SEMA3A: variants seen among roughly 807,000 people sequenced by gnomAD.
The protein encoded by SEMA3A is semaphorin 3A.
Under a neutral mutation model 97.9 loss-of-function variants are expected in SEMA3A, and 29 were observed. The ratio of observed to expected loss-of-function variants is 0.30; its 90% CI spans 0.22 to 0.40. SEMA3A has a LOEUF of 0.40. Ranked by LOEUF, SEMA3A falls within the 10% of genes least tolerant of loss-of-function variation. SEMA3A has a pLI of 1.00. For synonymous variants in SEMA3A, 321 were observed against 323.7 expected (o/e 0.99, Z 0.09); for missense variants, 763 against 951.3 (o/e 0.80, Z 2.60).
intron 13 of SEMA3A, among the ~76,000 whole-genome samples, chr7:83,983,853 G>A (rs1302191056): frequency 1.3e-5 from 2 of 152,116 alleles, no homozygotes; most frequent in Non-Finnish European, 2.9e-5. Flanking sequence ...GGGTATAGCA[G>A]GAGATGGGTT....
intron 13 of SEMA3A, among the ~76,000 whole-genome samples, chr7:83,984,065 T>G (rs1584505015): frequency 6.6e-6 from 1 of 152,146 alleles, no homozygotes; most frequent in East Asian, 1.9e-4. Flanking sequence ...TCTTTGTCAG[T>G]AAAATGTTGG....
At chr7:84,281,769 G>A (rs1040908762) in intron 3 of SEMA3A, among the ~76,000 whole-genome samples, 64 of 152,148 alleles carry the variant, frequency 4.2e-4, no homozygotes, top group African/African-American at 1.5e-3. Context: ...TTATCTCAAT[G>A]TCTACAGCTA....
chr7:84,217,892 G>T (rs542244176), intron 3 of SEMA3A, among the ~76,000 whole-genome samples: 4 of 152,060 alleles, frequency 2.6e-5, no homozygotes, highest in Admixed American at 2.6e-4. Flanking sequence ...GCTTGGGTGG[G>T]TAACAAAGTA....
rs553663569 is a variant in SEMA3A at position 84,042,808 on chromosome 7, G to T, written c.667+3516C>A. 2.0e-5 allele frequency among the ~76,000 whole-genome samples: 3 copies of T among 151,988 alleles called. No homozygotes were observed. The East Asian group carries it at 5.8e-4, about 29-fold the overall frequency. ...TTGGAAAACAGTCTCCATCAAATAA[G>T]AAAAATAAATGTGAGCTAGAAAAAT... On this transcript the variant is annotated intron_variant, in intron 6 of 16. Coordinates refer to ENST00000265362, the MANE Select transcript of SEMA3A (RefSeq NM_006080.3).
chr7:84,069,822 A>G (rs1793674037), intron 4 of SEMA3A, among the ~76,000 whole-genome samples: 1 of 152,156 alleles, frequency 6.6e-6, no homozygotes, highest in South Asian at 2.1e-4. Context: ...AATAGACACT[A>G]ATATTGCTGT....
intron 3 of SEMA3A, among the ~76,000 whole-genome samples, chr7:84,261,847 C>T (rs1007868296): frequency 2.0e-5 from 3 of 152,252 alleles, no homozygotes; most frequent in Non-Finnish European, 4.4e-5. Context: ...AAGGTGCCAC[C>T]AGTCACAGAG....
At chr7:84,149,968 C>T (rs1367346557) in intron 1 of SEMA3A, among the ~76,000 whole-genome samples, 2 of 152,128 alleles carry the variant, frequency 1.3e-5, no homozygotes, top group Non-Finnish European at 2.9e-5. Context: ...ACTAAGGTTG[C>T]TGATTTCTTA....
intron 7 of SEMA3A, among the ~76,000 whole-genome samples, chr7:84,011,545 G>C (rs1790872804): frequency 6.6e-6 from 1 of 151,922 alleles, no homozygotes; most frequent in Non-Finnish European, 1.5e-5. Context: ...ATTTATTCAA[G>C]GGATTACTTA....
intron 1 of SEMA3A, among the ~76,000 whole-genome samples, chr7:84,180,387 T>A (rs1038477805): frequency 1.3e-5 from 2 of 151,916 alleles, no homozygotes; most frequent in East Asian, 3.9e-4. Context: ...TTGTATTTTT[T>A]AAAAAATTAA....
chr7:84,422,223 A>C (rs1287294162), intron 1 of SEMA3A, among the ~76,000 whole-genome samples: 2 of 151,680 alleles, frequency 1.3e-5, no homozygotes, highest in East Asian at 3.9e-4. Flanking sequence ...CAGGGATTAG[A>C]CTTCTTCCTG....
At position 84,166,972 on chromosome 7, in the gene SEMA3A, T is replaced by A. The variant is rs1416180376; in HGVS notation, c.112+27503A>T. 1.3e-5 allele frequency among the ~76,000 whole-genome samples: 2 copies of A among 152,090 alleles called. 1 individual carries two copies. The highest frequency in any genetic ancestry group is 4.1e-4 in the South Asian group (2 of 4,824). ...TGTATTCTATATAAATTTGTGCCTATTTTGCTAGAAGAGTGTCTATCATAT... is the reference window on the plus strand; with the variant it reads ...TGTATTCTATATAAATTTGTGCCTAATTTGCTAGAAGAGTGTCTATCATAT... On this transcript the variant is annotated intron_variant, in intron 1 of 16. Coordinates refer to ENST00000265362, the MANE Select transcript of SEMA3A (RefSeq NM_006080.3).
At chr7:83,990,043 T>C (rs1393753430) in intron 12 of SEMA3A, among the ~76,000 whole-genome samples, 40 of 152,032 alleles carry the variant, frequency 2.6e-4, no homozygotes, top group Non-Finnish European at 4.4e-4. Context: ...CATTGTGGTT[T>C]TGATTTGCAT....
At chr7:84,015,083 A>C (rs1040294541) in intron 6 of SEMA3A, among the ~76,000 whole-genome samples, 9 of 152,090 alleles carry the variant, frequency 5.9e-5, no homozygotes, top group African/African-American at 2.2e-4. Flanking sequence ...GCCAGAATGA[A>C]CCTCCGCTCT....
At chr7:84,233,455 A>C (rs1447359579) in intron 3 of SEMA3A, among the ~76,000 whole-genome samples, 1 of 152,052 alleles carries the variant, frequency 6.6e-6, no homozygotes, top group Non-Finnish European at 1.5e-5. Flanking sequence ...ACTATCTGCT[A>C]CAGGATATTC....
At chr7:84,207,968 A>G (rs1338238426) in intron 3 of SEMA3A, among the ~76,000 whole-genome samples, 1 of 152,166 alleles carries the variant, frequency 6.6e-6, no homozygotes, top group Non-Finnish European at 1.5e-5. Context: ...TGTATTTTAT[A>G]TATGTGTATA....
At chr7:83,984,553 A>G (rs897222358) in intron 13 of SEMA3A, among the ~76,000 whole-genome samples, 12 of 149,706 alleles carry the variant, frequency 8.0e-5, no homozygotes, top group African/African-American at 2.7e-4. Context: ...AATTTTGTAT[A>G]TAAGTTTTTA....
At chr7:83,999,464 C>T (rs10225972) in intron 12 of SEMA3A, among the ~76,000 whole-genome samples, 59,054 of 151,752 alleles carry the variant, frequency 0.39, 12,023 homozygotes, top group Middle Eastern at 0.5. Flanking sequence ...TTTACAATGT[C>T]GTGATATGAT....
intron 4 of SEMA3A, among the ~76,000 whole-genome samples, chr7:84,066,276 T>C (rs1793490642): frequency 6.6e-6 from 1 of 152,060 alleles, no homozygotes; most frequent in African/African-American, 2.4e-5. Flanking sequence ...TATTTCAAAA[T>C]AATAAGAGCT....
At chr7:84,319,951 A>G (rs530944391) in intron 2 of SEMA3A, among the ~76,000 whole-genome samples, 6 of 152,308 alleles carry the variant, frequency 3.9e-5, no homozygotes, top group African/African-American at 9.6e-5. Context: ...GAAGTGGTTC[A>G]GAGAATTAAT....
Sources: gnomAD v4.1 joint callset for allele counts (sites outside exome capture counted in the v4.1 genomes callset) on GRCh38, gnomAD v4.1.1 for gene constraint, MANE v1.5 for transcripts, NCBI Gene and HGNC (gene_info 2026-07-23, HGNC 2026-07-21) for gene names.